SGSM1: variants seen among roughly 807,000 people sequenced by gnomAD.
The protein encoded by SGSM1 is RUN and TBC1 domain containing 2.
Under a neutral mutation model 133.8 loss-of-function variants are expected in SGSM1, and 73 were observed. The observed-to-expected ratio is 0.55, with a 90% CI of 0.45 to 0.66. The LOEUF (loss-of-function observed/expected upper bound fraction) is 0.66. SGSM1 is among the 30% of genes least tolerant of loss of function. The pLI, the probability that SGSM1 is intolerant of heterozygous loss-of-function variation, is 0.00. For missense variants in SGSM1, 1,213 were observed against 1,448.1 expected, an observed-to-expected ratio of 0.84 and a Z score of 2.64; for synonymous variants, 563 against 573.0, an observed-to-expected ratio of 0.98 and a Z score of 0.25.
chr22:24,843,050 A>G (rs1338686540), intron 2 of SGSM1, among the ~76,000 whole-genome samples: 4 of 152,126 alleles, frequency 2.6e-5, no homozygotes, highest in Non-Finnish European at 4.4e-5. Context: ...AAAGAAAGTG[A>G]TAAGTTTCAA....
At chr22:24,847,856 C>G in intron 4 of SGSM1, 60 bp downstream of exon 4, 1 of 1,574,650 alleles carries the variant, frequency 6.4e-7, no homozygotes, top group African/African-American at 1.3e-5. Context: ...ACAGTCCTCC[C>G]TGGGTCCTGA....
chr22:24,905,210 A>C, intron 21 of SGSM1, 23 bp downstream of exon 21: 1 of 1,607,858 alleles, frequency 6.2e-7, no homozygotes, highest in Non-Finnish European at 8.5e-7. Context: ...TTACTGCCCT[A>C]GGGCTGAGGG....
At chr22:24,822,296 G>A (rs1015793185) in intron 2 of SGSM1, among the ~76,000 whole-genome samples, 1 of 151,888 alleles carries the variant, frequency 6.6e-6, no homozygotes, top group African/African-American at 2.4e-5. Flanking sequence ...GTTTCACTGA[G>A]TTAGCCAGGA....
intron 13 of SGSM1, among the ~76,000 whole-genome samples, chr22:24,876,920 A>G (rs937910993): frequency 2.0e-5 from 3 of 152,204 alleles, no homozygotes; most frequent in African/African-American, 7.2e-5. Flanking sequence ...GCAGTAACAA[A>G]CAGTCCTAAA....
chr22:24,820,605 T>A (rs1212757295), intron 2 of SGSM1, among the ~76,000 whole-genome samples: 11 of 152,170 alleles, frequency 7.2e-5, no homozygotes, highest in African/African-American at 2.7e-4. Flanking sequence ...ATGGCCTGTG[T>A]GGCTTTGTTT....
chr22:24,863,370 G>T (rs572973518), intron 9 of SGSM1, among the ~76,000 whole-genome samples: 13 of 152,230 alleles, frequency 8.5e-5, no homozygotes, highest in Admixed American at 3.9e-4. Flanking sequence ...TGTTGGCCAG[G>T]ATGGTCTCGA....
chr22:24,861,579 G>A (rs1228736357), intron 9 of SGSM1, among the ~76,000 whole-genome samples: 2 of 149,632 alleles, frequency 1.3e-5, no homozygotes, highest in South Asian at 2.1e-4. Context: ...ACACTGCCTC[G>A]CTCTGTCACC....
At chr22:24,919,325 C>T (rs1283374584) in intron 23 of SGSM1, among the ~76,000 whole-genome samples, 2 of 152,130 alleles carry the variant, frequency 1.3e-5, no homozygotes, top group Non-Finnish European at 2.9e-5. Context: ...GCTGGGATTA[C>T]AGTCATGAGC....
intron 13 of SGSM1, among the ~76,000 whole-genome samples, chr22:24,878,692 C>T (rs552213997): frequency 1.3e-5 from 2 of 152,352 alleles, no homozygotes; most frequent in East Asian, 3.9e-4. Context: ...CCTCTCACCT[C>T]TTTCAGCCGA....
At chr22:24,829,569 A>G (rs1358785265) in intron 2 of SGSM1, among the ~76,000 whole-genome samples, 1 of 152,200 alleles carries the variant, frequency 6.6e-6, no homozygotes, top group Non-Finnish European at 1.5e-5. Flanking sequence ...ATATTCTCTT[A>G]CTTAATCATT....
chr22:24,874,609 G>A, intron 12 of SGSM1: 1 of 1,548,246 alleles, frequency 6.5e-7, no homozygotes, highest in South Asian at 1.2e-5. Flanking sequence ...CGTCCCCAGG[G>A]GCTGGGTGCC....
At chr22:24,868,586 C>G (rs1393082345) in intron 11 of SGSM1, 47 bp downstream of exon 11, 3 of 1,612,662 alleles carry the variant, frequency 1.9e-6, no homozygotes, top group Non-Finnish European at 2.5e-6. Context: ...AGGCTGGTCA[C>G]AGAGGGTGGT....
At chr22:24,905,003 T>A (rs931885200) in intron 20 of SGSM1, 102 bp from the exon 21 acceptor site, 1 of 896,932 alleles carries the variant, frequency 1.1e-6, no homozygotes, top group Non-Finnish European at 1.9e-6. Flanking sequence ...GAGGGAGGGG[T>A]CCAGGTGAGG....
At chr22:24,886,533 A>G in intron 15 of SGSM1, 67 bp from the exon 16 acceptor site, 2 of 1,526,844 alleles carry the variant, frequency 1.3e-6, no homozygotes, top group South Asian at 1.2e-5. Context: ...GTGAAACCCC[A>G]TCCCTACTAA....
At chr22:24,885,222 G>A (rs924117278) in intron 15 of SGSM1, among the ~76,000 whole-genome samples, 3 of 151,334 alleles carry the variant, frequency 2.0e-5, no homozygotes, top group Non-Finnish European at 4.4e-5. Context: ...GGCGTGAGCC[G>A]CTGCGCCCAG....
chr22:24,875,389 A>C (rs1285097545), intron 12 of SGSM1, among the ~76,000 whole-genome samples: 1 of 152,232 alleles, frequency 6.6e-6, no homozygotes, highest in African/African-American at 2.4e-5. Context: ...GAACATGTGC[A>C]TGCTTCCTTT....
At chr22:24,810,085 G>A (rs974427939) in intron 2 of SGSM1, among the ~76,000 whole-genome samples, 1 of 152,098 alleles carries the variant, frequency 6.6e-6, no homozygotes, top group Non-Finnish European at 1.5e-5. Context: ...GTGCAGATGC[G>A]GAGAAGGCGG....
chr22:24,813,099 G>A (rs1927845045), intron 2 of SGSM1, among the ~76,000 whole-genome samples: 1 of 152,244 alleles, frequency 6.6e-6, no homozygotes, highest in Non-Finnish European at 1.5e-5. Flanking sequence ...GGAAGGAAGG[G>A]AGCAGTGTCA....
intron 2 of SGSM1, among the ~76,000 whole-genome samples, chr22:24,825,710 G>A (rs1332164520): frequency 6.6e-6 from 1 of 152,200 alleles, no homozygotes; most frequent in Non-Finnish European, 1.5e-5. Context: ...GATTACAGGC[G>A]TGAGGCACTG....
Sources: allele counts gnomAD v4.1 joint callset (sites outside exome capture counted in the v4.1 genomes callset), GRCh38; gene constraint gnomAD v4.1.1; transcripts MANE v1.5; gene names NCBI Gene and HGNC (gene_info 2026-07-23, HGNC 2026-07-21).